INPP4B: variants seen among roughly 807,000 people sequenced by gnomAD.
The protein encoded by INPP4B is inositol polyphosphate 4-phosphatase type II.
A neutral mutation model predicts 122.5 loss-of-function variants in INPP4B; 55 were observed. The ratio of observed to expected loss-of-function variants is 0.45; its 90% CI spans 0.36 to 0.56. The LOEUF (loss-of-function observed/expected upper bound fraction) is 0.56. Ranked by LOEUF, INPP4B falls within the 20% of genes least tolerant of loss-of-function variation. The pLI is 0.00. For synonymous variants in INPP4B, 403 were observed against 388.7 expected (o/e 1.04, Z -0.43); for missense variants, 1,000 against 1,097.7 (o/e 0.91, Z 1.26).
chr4:142,726,745 G>A (rs967958259), intron 1 of INPP4B, among the ~76,000 whole-genome samples: 1 of 152,166 alleles, frequency 6.6e-6, no homozygotes, highest in African/African-American at 2.4e-5. Context: ...GACTAAAGCA[G>A]TCATAAGAAT....
chr4:142,024,728 CCTA>C lies in INPP4B; in HGVS notation c.*4051_*4053del, dbSNP rs963907538. 2.6e-5 allele frequency: 4 copies of C among 151,984 alleles called. No individual in the cohort carries two copies. The highest frequency in any genetic ancestry group is 2.1e-4 in the South Asian group (1 of 4,822). The allele number at this position is 151,984 out of a possible 1,614,324, so 9.4% of individuals were successfully genotyped here. A position where few individuals can be genotyped will look rare whatever the true frequency, so the allele number is the denominator to read the frequency against. ...GGCACAGTAATATGTTACTGTTTTT[CCTA>C]CTTTTAGCAAATGCCAAAATTATAA... On this transcript the variant is annotated 3_prime_UTR_variant, in exon 26 of 26. Coordinates refer to ENST00000262992, the MANE Select transcript of INPP4B (RefSeq NM_001101669.3).
chr4:142,716,896 G>A (rs1255933878), intron 2 of INPP4B, among the ~76,000 whole-genome samples: 1 of 152,144 alleles, frequency 6.6e-6, no homozygotes, highest in African/African-American at 2.4e-5. Flanking sequence ...CTCCTTCTTA[G>A]AACCCTGCTA....
chr4:142,637,851 C>T (rs374090772), intron 2 of INPP4B, among the ~76,000 whole-genome samples: 5 of 152,090 alleles, frequency 3.3e-5, no homozygotes, highest in South Asian at 2.1e-4. Context: ...ATATGCTCAC[C>T]GACATTTGGC....
chr4:142,228,784 AT>A (rs1852768397), intron 12 of INPP4B, among the ~76,000 whole-genome samples: 1 of 151,844 alleles, frequency 6.6e-6, no homozygotes, highest in Admixed American at 6.6e-5. Flanking sequence ...TACTGAATAT[AT>A]ACTAAATATA....
chr4:142,377,719 C>T (rs1043001284), intron 7 of INPP4B, among the ~76,000 whole-genome samples: 2 of 151,936 alleles, frequency 1.3e-5, no homozygotes, highest in South Asian at 4.2e-4. Context: ...AAAAAATACT[C>T]AAGAAATGAA....
At chr4:142,646,346 A>T (rs1270521222) in intron 2 of INPP4B, among the ~76,000 whole-genome samples, 1 of 152,204 alleles carries the variant, frequency 6.6e-6, no homozygotes, top group Non-Finnish European at 1.5e-5. Context: ...GCTACAAAGA[A>T]GATCCTATTT....
At position 142,028,193 on chromosome 4, in the gene INPP4B, C is replaced by T. The variant is rs980744357; in HGVS notation, c.*589G>A. ...ACTCACTCCATGCATATGCCTGTTGCAAGGGAGGAGTCACACCTTGACTGG... is the reference window on the plus strand; with the variant it reads ...ACTCACTCCATGCATATGCCTGTTGTAAGGGAGGAGTCACACCTTGACTGG... On this transcript the variant is annotated 3_prime_UTR_variant, in exon 26 of 26. Transcript: ENST00000262992. The T allele has an allele frequency of 3.1e-5, 7 of 228,524 alleles. No individual in the cohort carries two copies. Among genetic ancestry groups the T allele is most frequent in the Admixed American group, 1.1e-4 (2 of 17,616 alleles). The allele number at this position is 228,524 out of a possible 1,614,324, so 14.2% of individuals were successfully genotyped here. A position where few individuals can be genotyped will look rare whatever the true frequency, so the allele number is the denominator to read the frequency against.
chr4:142,178,840 A>AG (rs1438343262), intron 15 of INPP4B, among the ~76,000 whole-genome samples: 2 of 151,670 alleles, frequency 1.3e-5, no homozygotes, highest in Non-Finnish European at 2.9e-5. Flanking sequence ...TTGTAAAAAA[A>AG]AAAAAAAAAA....
At chr4:142,044,122 A>C (rs1467628933) in intron 25 of INPP4B, among the ~76,000 whole-genome samples, 1 of 152,200 alleles carries the variant, frequency 6.6e-6, no homozygotes, top group Non-Finnish European at 1.5e-5. Context: ...GGTTTTAGAA[A>C]AAATACATTA....
chr4:142,810,299 A>G, intron 1 of INPP4B, among the ~76,000 whole-genome samples: 1 of 152,170 alleles, frequency 6.6e-6, no homozygotes, highest in East Asian at 1.9e-4. Context: ...ATAAAAAAGA[A>G]TTTGTCATCA....
intron 2 of INPP4B, among the ~76,000 whole-genome samples, chr4:142,631,165 T>C (rs1470378670): frequency 6.6e-6 from 1 of 152,052 alleles, no homozygotes; most frequent in African/African-American, 2.4e-5. Context: ...GATACCAGGA[T>C]AGATTTTAAA....
chr4:142,498,410 T>TC (rs1395479236), intron 2 of INPP4B, among the ~76,000 whole-genome samples: 1 of 152,030 alleles, frequency 6.6e-6, no homozygotes. Flanking sequence ...TAGAGCTACC[T>TC]TAAAAGTTGA....
intron 23 of INPP4B, among the ~76,000 whole-genome samples, chr4:142,102,843 CT>C (rs1224825609): frequency 6.6e-6 from 1 of 152,038 alleles, no homozygotes; most frequent in African/African-American, 2.4e-5. Context: ...AGTATAGATC[CT>C]TTGTCCATAA....
At chr4:142,700,189 G>T (rs1761541571) in intron 2 of INPP4B, among the ~76,000 whole-genome samples, 1 of 151,904 alleles carries the variant, frequency 6.6e-6, no homozygotes, top group Non-Finnish European at 1.5e-5. Flanking sequence ...ATGCCAAGTA[G>T]TATCTTCTAA....
At chr4:142,835,420 C>A (rs575463835) in intron 1 of INPP4B, among the ~76,000 whole-genome samples, 11 of 152,178 alleles carry the variant, frequency 7.2e-5, no homozygotes, top group African/African-American at 2.6e-4. Flanking sequence ...AGAAAGAGAA[C>A]TATAGTATAT....
At chr4:142,741,190 GAA>G (rs778380112) in intron 1 of INPP4B, among the ~76,000 whole-genome samples, 32 of 151,992 alleles carry the variant, frequency 2.1e-4, no homozygotes, top group African/African-American at 7.0e-4. Flanking sequence ...AATTTATACA[GAA>G]AAGAGATTTA....
chr4:142,514,713 A>G (rs1209037239), intron 2 of INPP4B: 1 of 152,098 alleles, frequency 6.6e-6, no homozygotes, highest in Non-Finnish European at 1.5e-5. Flanking sequence ...GAGCCTGACA[A>G]AAACAAGCTT....
intron 2 of INPP4B, among the ~76,000 whole-genome samples, chr4:142,639,591 T>A (rs1337495378): frequency 6.6e-6 from 1 of 152,182 alleles, no homozygotes; most frequent in East Asian, 1.9e-4. Context: ...AAGAGCACTT[T>A]TTTTTTGACA....
rs555330799 is a variant in INPP4B, at chr4:142,149,719, C to T, written c.1564-3723G>A. 5.3e-5 allele frequency among the ~76,000 whole-genome samples: 8 copies of T among 152,270 alleles called. No individual in the cohort carries two copies. The East Asian group carries it at 1.5e-3, about 29-fold the overall frequency. On this transcript the variant is annotated intron_variant, in intron 17 of 25. Coordinates refer to ENST00000262992, the MANE Select transcript of INPP4B (RefSeq NM_001101669.3). Reference sequence around the variant, plus strand: ...TACAAAATGAACTGGCTGGTCCCGTCCCATGGACCCTCAAGTTTGAGATCA... The same window carrying T: ...TACAAAATGAACTGGCTGGTCCCGTTCCATGGACCCTCAAGTTTGAGATCA...
Sources: allele counts gnomAD v4.1 joint callset (sites outside exome capture counted in the v4.1 genomes callset), GRCh38; gene constraint gnomAD v4.1.1; transcripts MANE v1.5; gene names NCBI Gene and HGNC (gene_info 2026-07-23, HGNC 2026-07-21).